Variants in CSMD3 observed in about 807,000 individuals in gnomAD.
CSMD3 encodes the protein CUB and sushi domain-containing protein 3.
CSMD3 carries 177 observed loss-of-function variants against 435.2 expected under a neutral mutation model. The ratio of observed to expected loss-of-function variants is 0.41; its 90% confidence interval spans 0.36 to 0.46. CSMD3 has a LOEUF of 0.46. Among genes scored for constraint, CSMD3 ranks in the 20% least tolerant of loss-of-function variants. The pLI is 0.34. For missense variants in CSMD3, 4,265 were observed against 4,504.6 expected (o/e 0.95, Z 1.52); for synonymous variants, 1,656 against 1,520.5 (o/e 1.09, Z -2.07).
intron 1 of CSMD3, among the ~76,000 whole-genome samples, chr8:113,378,715 A>G (rs1356299481): frequency 6.6e-6 from 1 of 151,690 alleles, no homozygotes; most frequent in Non-Finnish European, 1.5e-5. Context: ...ACTCCCCACC[A>G]TGGGAAATTT....
At chr8:112,493,394 C>G (rs1415602732) in intron 30 of CSMD3, among the ~76,000 whole-genome samples, 3 of 152,000 alleles carry the variant, frequency 2.0e-5, no homozygotes, top group African/African-American at 2.4e-5. Context: ...TGTTACTGAA[C>G]CTAGAAGTGG....
intron 12 of CSMD3, among the ~76,000 whole-genome samples, chr8:112,808,207 T>C (rs1340636158): frequency 6.6e-6 from 1 of 152,160 alleles, no homozygotes; most frequent in Non-Finnish European, 1.5e-5. Flanking sequence ...CTAGTTATAG[T>C]ATATATGATG....
intron 22 of CSMD3, among the ~76,000 whole-genome samples, chr8:112,615,005 G>GAA (rs36049852): frequency 3.4e-4 from 51 of 150,674 alleles, no homozygotes; most frequent in South Asian, 1.9e-3. Flanking sequence ...GACATAACAA[G>GAA]AAAAAAAAAC....
At chr8:113,021,836 A>C (rs2086694868) in intron 5 of CSMD3, among the ~76,000 whole-genome samples, 1 of 152,138 alleles carries the variant, frequency 6.6e-6, no homozygotes, top group East Asian at 1.9e-4. Context: ...AGGTGGAGCA[A>C]ATAATGATAA....
intron 4 of CSMD3, among the ~76,000 whole-genome samples, chr8:113,129,847 C>A (rs905552452): frequency 6.6e-6 from 1 of 151,904 alleles, no homozygotes; most frequent in Non-Finnish European, 1.5e-5. Flanking sequence ...GAATCTGGTA[C>A]CAGGCCATAA....
At chr8:112,277,514 G>A (rs558805135) in intron 59 of CSMD3, among the ~76,000 whole-genome samples, 5 of 152,098 alleles carry the variant, frequency 3.3e-5, no homozygotes, top group African/African-American at 7.2e-5. Flanking sequence ...ACATTTTTCT[G>A]TCTTCTCCTG....
intron 4 of CSMD3, among the ~76,000 whole-genome samples, chr8:113,170,043 T>C (rs566275407): frequency 1.3e-5 from 2 of 152,060 alleles, no homozygotes; most frequent in Non-Finnish European, 2.9e-5. Flanking sequence ...TAAACTACCA[T>C]TGTTAGGAAG....
At chr8:112,294,566 T>C (rs1338275075) in intron 54 of CSMD3, among the ~76,000 whole-genome samples, 2 of 152,146 alleles carry the variant, frequency 1.3e-5, no homozygotes, top group Non-Finnish European at 2.9e-5. Context: ...GAGTTTATCA[T>C]TATTCAGCTC....
intron 59 of CSMD3, 133 bp from the exon 60 acceptor site, chr8:112,265,723 T>C (rs1367178107): frequency 1.4e-6 from 1 of 722,570 alleles, no homozygotes; most frequent in Non-Finnish European, 2.5e-6. Flanking sequence ...TCATAAAACA[T>C]AAACATATTT....
chr8:113,138,395 T>A lies in CSMD3; in HGVS notation c.709+35327A>T, dbSNP rs1005060503. Among the ~76,000 whole-genome samples, 8 of 151,496 alleles carry A rather than the reference T, an allele frequency of 5.3e-5. No homozygotes were observed. The Admixed American group carries it at 5.3e-4, about 10-fold the overall frequency. On this transcript the variant is annotated intron_variant, in intron 4 of 70. Coordinates refer to ENST00000297405, the MANE Select transcript of CSMD3 (RefSeq NM_198123.2). The stretch of plus-strand genomic sequence containing the variant: ...TATAAATGCTGGCAAATTCACATAT[T>A]TATTCCTTTGCTAGTAATTTTGCTG...
intron 1 of CSMD3, among the ~76,000 whole-genome samples, chr8:113,359,072 C>T (rs1563742209): frequency 6.6e-6 from 1 of 151,778 alleles, no homozygotes. Flanking sequence ...GAATATAGTC[C>T]CCTGAAATCA....
At chr8:113,166,265 G>C (rs541193281) in intron 4 of CSMD3, among the ~76,000 whole-genome samples, 34 of 152,240 alleles carry the variant, frequency 2.2e-4, no homozygotes, top group African/African-American at 8.2e-4. Context: ...AGCACTTTGG[G>C]AGGTCGAGGC....
intron 24 of CSMD3, 66 bp from the exon 25 acceptor site, chr8:112,557,020 A>G: frequency 1.0e-6 from 1 of 971,808 alleles, no homozygotes; most frequent in Non-Finnish European, 1.6e-6. Context: ...TATACAAATC[A>G]TTCCTTTCCT....
At chr8:112,390,920 A>C in intron 35 of CSMD3, 132 bp from the exon 36 acceptor site, 1 of 841,176 alleles carries the variant, frequency 1.2e-6, no homozygotes, top group Non-Finnish European at 1.9e-6. Context: ...CAAAACTGAT[A>C]AAAGCAATGA....
intron 45 of CSMD3, among the ~76,000 whole-genome samples, chr8:112,326,308 A>T (rs1352838227): frequency 6.6e-6 from 1 of 152,138 alleles, no homozygotes; most frequent in Non-Finnish European, 1.5e-5. Context: ...AAAAATACAT[A>T]ATCCAGTTTG....
intron 13 of CSMD3, among the ~76,000 whole-genome samples, chr8:112,706,501 A>T (rs2076501904): frequency 6.6e-6 from 1 of 152,102 alleles, no homozygotes; most frequent in Non-Finnish European, 1.5e-5. Context: ...ATGTGTGTGT[A>T]TTGGGGGTGA....
chr8:113,003,921 A>T (rs1471837869), intron 6 of CSMD3, among the ~76,000 whole-genome samples: 2 of 151,752 alleles, frequency 1.3e-5, no homozygotes, highest in Non-Finnish European at 1.5e-5. Context: ...TTACCGGATT[A>T]AAAAAAACAT....
At chr8:112,727,109 A>G (rs2076982165) in intron 13 of CSMD3, among the ~76,000 whole-genome samples, 1 of 151,840 alleles carries the variant, frequency 6.6e-6, no homozygotes. Flanking sequence ...GTTAAAATCT[A>G]TTATTTTTCT....
At chr8:112,447,004 T>A (rs1472114127) in intron 32 of CSMD3, among the ~76,000 whole-genome samples, 2 of 152,164 alleles carry the variant, frequency 1.3e-5, no homozygotes, top group African/African-American at 4.8e-5. Context: ...TGTAATTAGA[T>A]AAAGGATGAA....
Sources: gnomAD v4.1 joint callset for allele counts (sites outside exome capture counted in the v4.1 genomes callset) on GRCh38, gnomAD v4.1.1 for gene constraint, MANE v1.5 for transcripts, NCBI Gene and HGNC (gene_info 2026-07-23, HGNC 2026-07-21) for gene names.